Variants in ZNF33A observed in about 807,000 individuals in gnomAD.
ZNF33A encodes the protein zinc finger protein 33A.
Under a neutral mutation model 15.9 loss-of-function variants are expected in ZNF33A, and 9 were observed. That is an observed-to-expected ratio of 0.57 (90% confidence interval 0.34 to 0.99). The LOEUF is 0.99. Ranked by LOEUF, ZNF33A falls within the 50% of genes least tolerant of loss-of-function variation. The pLI, the probability that ZNF33A is intolerant of heterozygous loss-of-function variation, is 0.02. For missense variants in ZNF33A, 843 were observed against 941.6 expected, an observed-to-expected ratio of 0.90 and a Z score of 1.37; for synonymous variants, 294 against 324.2, an observed-to-expected ratio of 0.91 and a Z score of 1.00.
At chr10:38,011,275 G>A (rs116957871) in intron 1 of ZNF33A, among the ~76,000 whole-genome samples, 3,032 of 152,274 alleles carry the variant, frequency 0.02, 45 homozygotes, top group Non-Finnish European at 0.034. Flanking sequence ...TTGCACTCAG[G>A]AAAGATCTTC....
chr10:38,013,776 T>G (rs2064311520), intron 2 of ZNF33A, among the ~76,000 whole-genome samples: 1 of 152,132 alleles, frequency 6.6e-6, no homozygotes, highest in Admixed American at 6.6e-5. Flanking sequence ...GTGTAGCAGA[T>G]AGATACACAA....
At chr10:38,040,030 TG>T (rs2065626778) in intron 4 of ZNF33A, among the ~76,000 whole-genome samples, 1 of 152,030 alleles carries the variant, frequency 6.6e-6, no homozygotes, top group African/African-American at 2.4e-5. Flanking sequence ...TTGCTTTATC[TG>T]TGTTCCATAA....
chr10:38,031,873 G>A (rs776829534), intron 4 of ZNF33A, among the ~76,000 whole-genome samples: 1 of 152,164 alleles, frequency 6.6e-6, no homozygotes, highest in Non-Finnish European at 1.5e-5. Flanking sequence ...TGAGGCAGGA[G>A]AATTGCTTGA....
At chr10:38,034,314 A>T (rs914879458) in intron 4 of ZNF33A, among the ~76,000 whole-genome samples, 2 of 152,092 alleles carry the variant, frequency 1.3e-5, no homozygotes, top group Non-Finnish European at 2.9e-5. Context: ...TTTAGTTGTC[A>T]TGTCTCTTTA....
chr10:38,014,848 G>C (rs2064371863), intron 2 of ZNF33A, among the ~76,000 whole-genome samples: 1 of 152,010 alleles, frequency 6.6e-6, no homozygotes, highest in Admixed American at 6.6e-5. Context: ...ACTTTCTTTG[G>C]GGTTGAATTG....
chr10:38,014,108 C>G (rs1033326731), intron 2 of ZNF33A, among the ~76,000 whole-genome samples: 24 of 122,690 alleles, frequency 2.0e-4, no homozygotes, highest in African/African-American at 7.4e-4. Flanking sequence ...AGTGTGCGAT[C>G]TTGGCTCACT....
At chr10:38,027,614 TGGGATTACA>T (rs2065042188) in intron 4 of ZNF33A, among the ~76,000 whole-genome samples, 1 of 152,022 alleles carries the variant, frequency 6.6e-6, no homozygotes, top group Admixed American at 6.6e-5. Context: ...CCCAAACCTC[TGGGATTACA>T]GGTGCTATCC....
intron 4 of ZNF33A, among the ~76,000 whole-genome samples, chr10:38,022,301 C>T (rs2064781599): frequency 6.6e-6 from 1 of 152,062 alleles, no homozygotes; most frequent in African/African-American, 2.4e-5. Flanking sequence ...CAGGGAATAT[C>T]ACTCCACCAT....
At chr10:38,051,783 G>A (rs1260435602) in intron 4 of ZNF33A, among the ~76,000 whole-genome samples, 1 of 151,696 alleles carries the variant, frequency 6.6e-6, no homozygotes, top group Non-Finnish European at 1.5e-5. Context: ...TACATTCTGA[G>A]TAACTGCCTC....
chr10:38,052,327 A>G (rs568775871), intron 4 of ZNF33A, among the ~76,000 whole-genome samples: 2 of 152,296 alleles, frequency 1.3e-5, no homozygotes, highest in South Asian at 2.1e-4. Flanking sequence ...ATTAGCAATG[A>G]TCAATTGGAA....
intron 4 of ZNF33A, among the ~76,000 whole-genome samples, chr10:38,045,178 CTTG>C (rs1167427517): frequency 1.3e-5 from 2 of 152,120 alleles, no homozygotes; most frequent in Non-Finnish European, 2.9e-5. Context: ...CTCTCTAGGG[CTTG>C]TTGTTATTTA....
chr10:38,037,408 C>G (rs977462632), intron 4 of ZNF33A, among the ~76,000 whole-genome samples: 1 of 151,808 alleles, frequency 6.6e-6, no homozygotes, highest in East Asian at 1.9e-4. Flanking sequence ...ACTGCAACCT[C>G]TGCCCCCTGG....
intron 4 of ZNF33A, among the ~76,000 whole-genome samples, chr10:38,021,219 G>A (rs142091471): frequency 6.6e-6 from 1 of 152,196 alleles, no homozygotes; most frequent in East Asian, 1.9e-4. Context: ...AGACTCCAGA[G>A]CAAAGAAAAT....
rs201898566 is a variant in ZNF33A at position 38,040,204 on chromosome 10, G to A, written c.251-14171G>A. ...TTACTGATTTGTAATTTCGACTGTG[G>A]TCAGAGAATCATTTTAAATTTATTC... is the stretch of plus-strand genomic sequence containing the variant. On this transcript the variant is annotated intron_variant, in intron 4 of 4. Coordinates refer to ENST00000432900, the MANE Select transcript of ZNF33A (RefSeq NM_006954.2). Among the ~76,000 whole-genome samples the A allele has an allele frequency of 5.3e-5, 8 of 151,812 alleles. No homozygotes were observed. The East Asian group carries it at 1.5e-3, about 29-fold the overall frequency.
chr10:38,019,156 C>A (rs2064612007), intron 4 of ZNF33A, among the ~76,000 whole-genome samples: 1 of 150,546 alleles, frequency 6.6e-6, no homozygotes. Context: ...CCGTAACAGT[C>A]CCCAGTGTGT....
intron 2 of ZNF33A, among the ~76,000 whole-genome samples, chr10:38,015,370 A>G (rs1445685714): frequency 1.3e-5 from 2 of 151,726 alleles, no homozygotes; most frequent in African/African-American, 4.8e-5. Flanking sequence ...AGTGGTGCTG[A>G]CCTTGGCTCA....
At chr10:38,017,088 T>A in intron 3 of ZNF33A, 73 bp downstream of exon 3, 2 of 1,546,418 alleles carry the variant, frequency 1.3e-6, no homozygotes, top group Non-Finnish European at 8.7e-7. Flanking sequence ...ATGGGCAGTC[T>A]GTATAGTTTA....
chr10:38,047,209 A>AAT (rs1470457067), intron 4 of ZNF33A, among the ~76,000 whole-genome samples: 1 of 149,544 alleles, frequency 6.7e-6, no homozygotes, highest in Non-Finnish European at 1.5e-5. Flanking sequence ...AAAAAAAAAA[A>AAT]AAAAGAATAA....
chr10:38,028,693 C>A (rs990248524), intron 4 of ZNF33A, among the ~76,000 whole-genome samples: 2 of 152,142 alleles, frequency 1.3e-5, no homozygotes, highest in African/African-American at 4.8e-5. Flanking sequence ...GTCTTGAGCT[C>A]CTGGCCTCAA....
Sources: gnomAD v4.1 joint callset for allele counts (sites outside exome capture counted in the v4.1 genomes callset) on GRCh38, gnomAD v4.1.1 for gene constraint, MANE v1.5 for transcripts, NCBI Gene and HGNC (gene_info 2026-07-23, HGNC 2026-07-21) for gene names.